The following SMIM36 variants were observed in gnomAD, a reference collection of about 807,000 sequenced individuals.
SMIM36 encodes the protein small integral membrane protein 36.
chr17:55,473,415 C>T (rs1367980488), intron 3 of SMIM36, among the ~76,000 whole-genome samples: 3 of 152,134 alleles, frequency 2.0e-5, no homozygotes, highest in Admixed American at 6.5e-5. Context: ...CCACTAGCTC[C>T]GAAAAGGCTA....
rs562216698 is a variant in SMIM36, at chr17:55,489,612, C to T, written c.*175-10032G>A. Among the ~76,000 whole-genome samples the T allele has an allele frequency of 4.7e-4, 72 of 152,278 alleles. 2 individuals carry two copies. The South Asian group carries it at 0.014, about 30-fold the overall frequency. On this transcript the variant is annotated intron_variant, in intron 1 of 4. Transcript: ENST00000636752. The stretch of plus-strand genomic sequence containing the variant: ...TAGACCATCACACTCCTCTGCAATC[C>T]GGATTTTTCTTCTAACAATATGTCA...
At chr17:55,481,153 A>G (rs1909514331) in intron 1 of SMIM36, among the ~76,000 whole-genome samples, 1 of 151,872 alleles carries the variant, frequency 6.6e-6, no homozygotes, top group Non-Finnish European at 1.5e-5. Flanking sequence ...TTAATTAAAC[A>G]GCCAGACCAG....
chr17:55,498,314 G>A (rs1047109406), intron 1 of SMIM36, among the ~76,000 whole-genome samples: 2 of 152,078 alleles, frequency 1.3e-5, no homozygotes, highest in African/African-American at 4.8e-5. Context: ...ATTCTGGGGG[G>A]ACAAAATTCA....
At chr17:55,532,095 C>T in the SMIM36 span, among the ~76,000 whole-genome samples, 524 of 152,308 alleles carry the variant, frequency 3.4e-3, 4 homozygotes, top group African/African-American at 0.012. Flanking sequence ...CTTTATGCCC[C>T]GTTATGCTTC....
the SMIM36 span, among the ~76,000 whole-genome samples, chr17:55,528,611 G>A: frequency 6.7e-6 from 1 of 149,362 alleles, no homozygotes; most frequent in Admixed American, 6.7e-5. Flanking sequence ...GGAGTGCAGT[G>A]GCACGATCTC....
Position 55,482,714 on chromosome 17 carries a change from C to T in SMIM36, c.*175-3134G>A, listed in dbSNP as rs1253288731. Among the ~76,000 whole-genome samples, 4 of 152,122 alleles carry T rather than the reference C, an allele frequency of 2.6e-5. 1 individual carries two copies. In the East Asian group the frequency reaches 7.7e-4, roughly 29 times the overall value. ...AACTACCTTTATCCTTTGCATTTGT[C>T]ATTGTTACATTGCTGACATAGAGAA... On this transcript the variant is annotated intron_variant, in intron 1 of 4. Transcript: ENST00000636752.
chr17:55,501,942 C>T (rs1423066731), intron 1 of SMIM36, among the ~76,000 whole-genome samples: 6 of 147,848 alleles, frequency 4.1e-5, no homozygotes, highest in Non-Finnish European at 7.4e-5. Context: ...GTTCCCTTTC[C>T]GAGTCAAAGA....
intron 1 of SMIM36, among the ~76,000 whole-genome samples, chr17:55,498,932 G>C (rs1209432701): frequency 7.5e-6 from 1 of 132,764 alleles, no homozygotes; most frequent in Non-Finnish European, 1.5e-5. Context: ...CTGGGAGGCA[G>C]AGGTTGCAGT....
intron 1 of SMIM36, among the ~76,000 whole-genome samples, chr17:55,480,699 A>T (rs1909504930): frequency 1.3e-5 from 2 of 152,320 alleles, no homozygotes; most frequent in South Asian, 4.1e-4. Context: ...TGGGATCAGG[A>T]AACCTCAAGT....
chr17:55,481,882 A>C lies in SMIM36; in HGVS notation c.*175-2302T>G, dbSNP rs1909526687. Among the ~76,000 whole-genome samples the C allele has an allele frequency of 2.0e-5, 3 of 152,190 alleles. No individual in the cohort carries two copies. The South Asian group carries it at 6.2e-4, about 32-fold the overall frequency. Reference sequence around the variant, plus strand: ...CTAATTTTGTTTATTTTTTTTGTAGAAATGAGGTTCCACTATGTTGCCCAG... The same window carrying C: ...CTAATTTTGTTTATTTTTTTTGTAGCAATGAGGTTCCACTATGTTGCCCAG... On this transcript the variant is annotated intron_variant, in intron 1 of 4. Coordinates refer to ENST00000636752, the Ensembl canonical transcript of SMIM36.
chr17:55,481,118 C>T (rs1163293472), intron 1 of SMIM36, among the ~76,000 whole-genome samples: 1 of 152,032 alleles, frequency 6.6e-6, no homozygotes, highest in East Asian at 1.9e-4. Context: ...CTCTTTATCT[C>T]TCTCTCTCAC....
intron 3 of SMIM36, among the ~76,000 whole-genome samples, chr17:55,471,449 C>G (rs893605176): frequency 2.6e-5 from 4 of 152,234 alleles, no homozygotes; most frequent in Middle Eastern, 3.4e-3. Context: ...TATAATCCTC[C>G]ATCAACATAC....
intron 1 of SMIM36, among the ~76,000 whole-genome samples, chr17:55,492,391 C>T (rs1265914944): frequency 2.6e-5 from 4 of 150,946 alleles, no homozygotes; most frequent in African/African-American, 4.8e-5. Context: ...TACAGGCTTG[C>T]GCCACCAAGC....
chr17:55,485,966 C>T (rs1004960376), intron 1 of SMIM36, among the ~76,000 whole-genome samples: 1 of 151,064 alleles, frequency 6.6e-6, no homozygotes, highest in African/African-American at 2.4e-5. Context: ...AGTATTAATT[C>T]TTATGTGACA....
intron 4 of SMIM36, among the ~76,000 whole-genome samples, chr17:55,459,701 T>A (rs1310018814): frequency 6.6e-6 from 1 of 152,246 alleles, no homozygotes; most frequent in South Asian, 2.1e-4. Context: ...CTAGAATAGA[T>A]GCTAAAAATG....
At chr17:55,466,297 A>AG (rs1909236356) in intron 4 of SMIM36, among the ~76,000 whole-genome samples, 2 of 151,140 alleles carry the variant, frequency 1.3e-5, no homozygotes. Context: ...AAAAAAAAAA[A>AG]AAAAAGAAAG....
chr17:55,462,335 G>A (rs1056940888), intron 4 of SMIM36, among the ~76,000 whole-genome samples: 1 of 152,162 alleles, frequency 6.6e-6, no homozygotes, highest in Non-Finnish European at 1.5e-5. Context: ...CATGTGCAGG[G>A]CATGGTGGCT....
At chr17:55,470,811 A>T (rs1204108361) in intron 3 of SMIM36, among the ~76,000 whole-genome samples, 1 of 151,882 alleles carries the variant, frequency 6.6e-6, no homozygotes, top group East Asian at 1.9e-4. Context: ...AATCACTCTT[A>T]CCCTGCTCAA....
chr17:55,501,831 C>T (rs528132523), intron 1 of SMIM36, among the ~76,000 whole-genome samples: 77 of 150,998 alleles, frequency 5.1e-4, no homozygotes, highest in African/African-American at 1.7e-3. Context: ...GTTCATCTCA[C>T]TAGGGAGTGC....
Sources: allele counts gnomAD v4.1 joint callset (sites outside exome capture counted in the v4.1 genomes callset), GRCh38; gene constraint gnomAD v4.1.1; transcripts MANE v1.5; gene names NCBI Gene and HGNC (gene_info 2026-07-23, HGNC 2026-07-21).